Variants in FAT3 observed in about 807,000 individuals in gnomAD.
FAT3 encodes FAT atypical cadherin 3.
In FAT3, 95 loss-of-function variants were observed where a neutral mutation model predicts 310.2. The observed-to-expected ratio is 0.31, with a 90% CI of 0.26 to 0.36. The LOEUF (loss-of-function observed/expected upper bound fraction) is 0.36. Ranked by LOEUF, FAT3 falls within the 10% of genes least tolerant of loss-of-function variation. The probability of loss-of-function intolerance (pLI) is 1.00; values close to 1 mark genes in which losing one functional copy is unlikely to be tolerated. For missense variants in FAT3, 5,408 were observed against 5,715.6 expected (o/e 0.95, Z 1.74); for synonymous variants, 2,314 against 2,192.9 (o/e 1.06, Z -1.54).
intron 3 of FAT3, among the ~76,000 whole-genome samples, chr11:92,608,610 A>T (rs951048875): frequency 2.0e-5 from 3 of 152,012 alleles, no homozygotes; most frequent in Admixed American, 6.6e-5. Context: ...GGGCTACCTG[A>T]TTGTATATTA....
intron 1 of FAT3, among the ~76,000 whole-genome samples, chr11:92,301,377 C>T (rs888883095): frequency 1.1e-4 from 17 of 152,128 alleles, no homozygotes; most frequent in East Asian, 3.9e-4. Context: ...GTGCAGAGGG[C>T]CCTGCTCACT....
chr11:92,226,034 G>C (rs1479310419), intron 1 of FAT3, among the ~76,000 whole-genome samples: 1 of 152,162 alleles, frequency 6.6e-6, no homozygotes, highest in Non-Finnish European at 1.5e-5. Context: ...CACCAGCTCC[G>C]AGCTCAGGCC....
intron 1 of FAT3, among the ~76,000 whole-genome samples, chr11:92,312,958 A>G (rs1466795254): frequency 1.3e-5 from 2 of 152,224 alleles, no homozygotes; most frequent in East Asian, 3.8e-4. Flanking sequence ...ACATGCTGAT[A>G]TCTTAATATT....
intron 1 of FAT3, among the ~76,000 whole-genome samples, chr11:92,302,333 A>G (rs1312883049): frequency 6.6e-6 from 1 of 152,050 alleles, no homozygotes; most frequent in African/African-American, 2.4e-5. Context: ...TAACATGGCT[A>G]CATAATGAGC....
At chr11:92,802,692 T>C (rs1015782833) in intron 10 of FAT3, among the ~76,000 whole-genome samples, 10 of 152,172 alleles carry the variant, frequency 6.6e-5, no homozygotes, top group African/African-American at 2.4e-4. Context: ...AAAGCTAATA[T>C]TTTGATGTCG....
At chr11:92,333,107 A>AT (rs1336475800) in intron 1 of FAT3, among the ~76,000 whole-genome samples, 1 of 152,176 alleles carries the variant, frequency 6.6e-6, no homozygotes, top group Non-Finnish European at 1.5e-5. Context: ...ATTTTTATGT[A>AT]TAAAAACTGG....
intron 5 of FAT3, among the ~76,000 whole-genome samples, chr11:92,762,696 A>AT (rs1174826180): frequency 6.6e-6 from 1 of 152,194 alleles, no homozygotes; most frequent in African/African-American, 2.4e-5. Flanking sequence ...AAGTGACTGA[A>AT]TTTTTTATTA....
At chr11:92,370,045 G>A (rs779595028) in intron 2 of FAT3, among the ~76,000 whole-genome samples, 4 of 152,064 alleles carry the variant, frequency 2.6e-5, no homozygotes, top group Non-Finnish European at 1.5e-5. Flanking sequence ...TGAGAGCTGC[G>A]CTAATAACTG....
chr11:92,583,011 T>G (rs1938900705), intron 3 of FAT3, among the ~76,000 whole-genome samples: 2 of 151,688 alleles, frequency 1.3e-5, no homozygotes, highest in Non-Finnish European at 2.9e-5. Context: ...CTTAATATAC[T>G]CCCCTGTAAA....
chr11:92,712,297 G>A (rs1011839367), intron 4 of FAT3, among the ~76,000 whole-genome samples: 2 of 152,060 alleles, frequency 1.3e-5, no homozygotes, highest in Non-Finnish European at 2.9e-5. Flanking sequence ...TTAAGAAAAA[G>A]GGACTCTGGA....
At chr11:92,396,621 G>A (rs1325655190) in intron 2 of FAT3, among the ~76,000 whole-genome samples, 1 of 152,180 alleles carries the variant, frequency 6.6e-6, no homozygotes, top group Non-Finnish European at 1.5e-5. Context: ...CAGCTCAGAA[G>A]TCAGCCATGG....
intron 19 of FAT3, 144 bp from the exon 20 acceptor site, chr11:92,857,070 T>G: frequency 8.5e-7 from 1 of 1,175,192 alleles, no homozygotes; most frequent in Non-Finnish European, 1.2e-6. Flanking sequence ...TACTTCTGAG[T>G]GGCATCTTTG....
At chr11:92,777,690 G>A (rs996590700) in intron 7 of FAT3, among the ~76,000 whole-genome samples, 3 of 152,030 alleles carry the variant, frequency 2.0e-5, no homozygotes, top group Admixed American at 6.6e-5. Context: ...ACTCTGTCAC[G>A]AAACAGATGA....
At position 92,354,249 on chromosome 11, in the gene FAT3, C is replaced by G; in HGVS notation, c.2137C>G (p.Leu713Val). ...GAAACTGAATCTGGAAGATGGATTT[C>G]TTGACTTTTATTCAATTAATAGACA... Reference protein sequence around the residue: ...NGKLNLEDGFLDFYSINRQGP... With the variant: ...NGKLNLEDGFVDFYSINRQGP... The change falls in exon 2 of 28, where the codon CTT (leucine) becomes GTT (valine). Residue 713 changes from leucine to valine, a missense_variant. Physicochemically the swap from Leu to Val is conservative, Grantham distance 32 (BLOSUM62 1). Coordinates refer to ENST00000525166, the MANE Select transcript of FAT3 (RefSeq NM_001367949.2). The G allele has an allele frequency of 3.1e-6, 5 of 1,613,688 alleles. No individual in the cohort carries two copies. The highest frequency in any genetic ancestry group is 4.2e-6 in the Non-Finnish European group (5 of 1,179,868).
chr11:92,494,840 T>G (rs1952709157), intron 2 of FAT3, among the ~76,000 whole-genome samples: 1 of 152,044 alleles, frequency 6.6e-6, no homozygotes, highest in Non-Finnish European at 1.5e-5. Context: ...CTCCCAATAT[T>G]GACCATCAGG....
intron 21 of FAT3, among the ~76,000 whole-genome samples, chr11:92,863,401 C>T (rs1396260188): frequency 6.6e-6 from 1 of 152,198 alleles, no homozygotes; most frequent in African/African-American, 2.4e-5. Context: ...TACTCAAAAT[C>T]CTACTTTCCT....
chr11:92,372,817 C>T (rs1471431244), intron 2 of FAT3, among the ~76,000 whole-genome samples: 2 of 151,962 alleles, frequency 1.3e-5, no homozygotes, highest in Non-Finnish European at 2.9e-5. Context: ...CCTGCCACCA[C>T]GCCCGGCTAA....
At chr11:92,547,565 C>A (rs1459336067) in intron 3 of FAT3, among the ~76,000 whole-genome samples, 1 of 152,088 alleles carries the variant, frequency 6.6e-6, no homozygotes. Flanking sequence ...GTTGTTTCAG[C>A]CCTCTGAGTA....
intron 1 of FAT3, among the ~76,000 whole-genome samples, chr11:92,290,820 C>G (rs1359582294): frequency 1.3e-5 from 2 of 151,884 alleles, no homozygotes; most frequent in Non-Finnish European, 2.9e-5. Flanking sequence ...TCTGAGAACA[C>G]TAGCAGAAGG....
Sources: allele counts gnomAD v4.1 joint callset (sites outside exome capture counted in the v4.1 genomes callset), GRCh38; gene constraint gnomAD v4.1.1; transcripts MANE v1.5; gene names NCBI Gene and HGNC (gene_info 2026-07-23, HGNC 2026-07-21).